STX8: variants seen among roughly 807,000 people sequenced by gnomAD.
STX8 encodes syntaxin-8.
STX8 carries 23 observed loss-of-function variants against 37.5 expected under a neutral mutation model. The observed-to-expected ratio is 0.61, with a 90% CI of 0.44 to 0.87. The LOEUF (loss-of-function observed/expected upper bound fraction) is 0.87, where lower values mean the gene tolerates loss of function less well. Among genes scored for constraint, STX8 ranks in the 40% least tolerant of loss-of-function variants. The probability of loss-of-function intolerance (pLI) is 0.00; values close to 1 mark genes in which losing one functional copy is unlikely to be tolerated. For missense variants in STX8, 313 were observed against 284.7 expected, an observed-to-expected ratio of 1.10 and a Z score of -0.71; for synonymous variants, 115 against 99.1, an observed-to-expected ratio of 1.16 and a Z score of -0.95.
At chr17:9,487,121 A>T (rs1190935336) in intron 6 of STX8, among the ~76,000 whole-genome samples, 2 of 152,196 alleles carry the variant, frequency 1.3e-5, no homozygotes, top group African/African-American at 4.8e-5. Flanking sequence ...GGGGTTGGTC[A>T]GGCCCTTTTT....
intron 7 of STX8, among the ~76,000 whole-genome samples, chr17:9,272,227 T>C (rs1439265560): frequency 1.3e-5 from 2 of 152,374 alleles, no homozygotes; most frequent in African/African-American, 2.4e-5. Flanking sequence ...GAATGATCTC[T>C]GCCAGATTGC....
intron 6 of STX8, among the ~76,000 whole-genome samples, chr17:9,394,168 G>T (rs1212727666): frequency 6.6e-6 from 1 of 152,080 alleles, no homozygotes; most frequent in Non-Finnish European, 1.5e-5. Context: ...CGCAAGGAAG[G>T]GAGTGTGGAA....
At chr17:9,532,163 GAA>G (rs528161988) in intron 4 of STX8, among the ~76,000 whole-genome samples, 2 of 141,892 alleles carry the variant, frequency 1.4e-5, no homozygotes, top group Non-Finnish European at 1.5e-5. Flanking sequence ...CATGGTGAGG[GAA>G]AAAAAAAAAA....
intron 7 of STX8, among the ~76,000 whole-genome samples, chr17:9,288,899 T>C (rs935537323): frequency 5.3e-5 from 8 of 152,080 alleles, no homozygotes; most frequent in African/African-American, 1.9e-4. Context: ...GAAAATGTTT[T>C]GAGAACTGAA....
At position 9,339,070 on chromosome 17, in the gene STX8, C is replaced by CAAAAAAAAAAAAAAAAAAAAAAAAAA. The variant is rs34987749; in HGVS notation, c.643+39481_643+39482insTTTTTTTTTTTTTTTTTTTTTTTTTT. On this transcript the variant is annotated intron_variant, in intron 7 of 7. Transcript: ENST00000306357. ...TGGTTGACAAAGCGAGACTCCGTCT[C>CAAAAAAAAAAAAAAAAAAAAAAAAAA]AAAAAAAAAAAAAAAAAAAAATTCC... 1.9e-4 allele frequency among the ~76,000 whole-genome samples: 13 copies of CAAAAAAAAAAAAAAAAAAAAAAAAAA among 70,018 alleles called. 2 individuals carry two copies. The highest frequency in any genetic ancestry group is 8.4e-4 in the African/African-American group (13 of 15,508). The allele number at this position is 70,018 out of a possible 152,430, so 45.9% of individuals were successfully genotyped here.
intron 7 of STX8, among the ~76,000 whole-genome samples, chr17:9,255,787 A>G (rs1258896095): frequency 6.6e-6 from 1 of 152,176 alleles, no homozygotes; most frequent in African/African-American, 2.4e-5. Context: ...TCAACTGAGG[A>G]GGTCGTTTTA....
At chr17:9,567,616 T>C (rs1489817198) in intron 2 of STX8, among the ~76,000 whole-genome samples, 1 of 152,230 alleles carries the variant, frequency 6.6e-6, no homozygotes, top group Non-Finnish European at 1.5e-5. Context: ...AAACTTGTGA[T>C]TTCACAAAAA....
chr17:9,518,542 GTCTA>G (rs1345613981), intron 4 of STX8, among the ~76,000 whole-genome samples: 1 of 152,186 alleles, frequency 6.6e-6, no homozygotes, highest in Admixed American at 6.5e-5. Flanking sequence ...CTCTGGGCAA[GTCTA>G]TCTGTGCTAG....
At chr17:9,415,996 G>A (rs1284149350) in intron 6 of STX8, among the ~76,000 whole-genome samples, 1 of 152,070 alleles carries the variant, frequency 6.6e-6, no homozygotes, top group Admixed American at 6.6e-5. Flanking sequence ...AGTTCTCCTG[G>A]ATTTATTTAC....
chr17:9,448,554 A>G lies in STX8; in HGVS notation c.541+43275T>C, dbSNP rs534462320. ...AGGCTGCAATGTGCGTTACGGAGAA[A>G]ATACATGTATTCGGTAAGTTTCATT... On this transcript the variant is annotated intron_variant, in intron 6 of 7. Transcript: ENST00000306357. 5.6e-5 allele frequency among the ~76,000 whole-genome samples: 6 copies of G among 107,678 alleles called. No homozygotes were observed. The East Asian group carries it at 5.4e-3, about 97-fold the overall frequency. 70.6% of individuals were successfully genotyped at this position (107,678 alleles called of 152,430 possible). A position where few individuals can be genotyped will look rare whatever the true frequency, so the allele number is the denominator to read the frequency against.
Position 9,272,064 on chromosome 17 carries a change from C to T in STX8, c.644-21419G>A, listed in dbSNP as rs193033679. 3.3e-5 allele frequency among the ~76,000 whole-genome samples: 5 copies of T among 152,184 alleles called. No homozygotes were observed. The South Asian group carries it at 6.2e-4, about 19-fold the overall frequency. ...GCTGGGATGTGTTTGACACAAAGCC[C>T]TCTTGCTGTCCTAATCCACACCCAC... is the stretch of plus-strand genomic sequence containing the variant. On this transcript the variant is annotated intron_variant, in intron 7 of 7. Coordinates refer to ENST00000306357, the MANE Select transcript of STX8 (RefSeq NM_004853.3).
intron 6 of STX8, among the ~76,000 whole-genome samples, chr17:9,455,177 G>T (rs551742383): frequency 6.6e-6 from 1 of 152,250 alleles, no homozygotes; most frequent in South Asian, 2.1e-4. Flanking sequence ...ACTCCAGCCT[G>T]GGTGACAGAG....
At chr17:9,388,787 G>C (rs1912105377) in intron 6 of STX8, among the ~76,000 whole-genome samples, 1 of 131,124 alleles carries the variant, frequency 7.6e-6, no homozygotes, top group African/African-American at 2.9e-5. Flanking sequence ...TGGGCAACAA[G>C]AGCAAAACTC....
chr17:9,476,435 T>C (rs1906105151), intron 6 of STX8, among the ~76,000 whole-genome samples: 1 of 151,386 alleles, frequency 6.6e-6, no homozygotes, highest in Admixed American at 6.6e-5. Flanking sequence ...TGAGCGGAAG[T>C]TGTTTCTTCT....
chr17:9,260,444 T>G (rs1906970864), intron 7 of STX8, among the ~76,000 whole-genome samples: 1 of 152,098 alleles, frequency 6.6e-6, no homozygotes, highest in Middle Eastern at 3.2e-3. Context: ...GCCAACATGG[T>G]GAAACCCTGT....
chr17:9,495,503 T>C (rs1904351021), intron 5 of STX8, among the ~76,000 whole-genome samples: 1 of 152,196 alleles, frequency 6.6e-6, no homozygotes, highest in Non-Finnish European at 1.5e-5. Flanking sequence ...ATTAAACTCC[T>C]AAAATTGCTT....
At chr17:9,302,249 T>C (rs547560662) in intron 7 of STX8, among the ~76,000 whole-genome samples, 2 of 152,214 alleles carry the variant, frequency 1.3e-5, no homozygotes, top group African/African-American at 4.8e-5. Flanking sequence ...CATCTGTGTT[T>C]ATATACCCCT....
intron 7 of STX8, among the ~76,000 whole-genome samples, chr17:9,364,431 T>G (rs1911160633): frequency 6.6e-6 from 1 of 152,192 alleles, no homozygotes; most frequent in African/African-American, 2.4e-5. Context: ...GAAGACATGT[T>G]TAAAAATAAT....
At chr17:9,549,211 TA>T (rs1340902160) in intron 3 of STX8, among the ~76,000 whole-genome samples, 1 of 152,204 alleles carries the variant, frequency 6.6e-6, no homozygotes, top group Non-Finnish European at 1.5e-5. Context: ...GAAAGTATAA[TA>T]TTTTTTGTAA....
Sources: gnomAD v4.1 joint callset for allele counts (sites outside exome capture counted in the v4.1 genomes callset) on GRCh38, gnomAD v4.1.1 for gene constraint, MANE v1.5 for transcripts, NCBI Gene and HGNC (gene_info 2026-07-23, HGNC 2026-07-21) for gene names.